GOSR1: variants seen among roughly 807,000 people sequenced by gnomAD.
GOSR1 encodes the protein golgi SNAP receptor complex member 1, also known as 28 kDa Golgi SNARE protein.
GOSR1 carries 21 observed loss-of-function variants against 35.5 expected under a neutral mutation model. The observed-to-expected ratio is 0.59, with a 90% confidence interval of 0.42 to 0.85. The LOEUF (loss-of-function observed/expected upper bound fraction) is 0.85, where lower values mean the gene tolerates loss of function less well. Ranked by LOEUF, GOSR1 falls within the 40% of genes least tolerant of loss-of-function variation. GOSR1 has a pLI of 0.00. For synonymous variants in GOSR1, 94 were observed against 106.6 expected, an observed-to-expected ratio of 0.88 and a Z score of 0.73; for missense variants, 285 against 309.6, an observed-to-expected ratio of 0.92 and a Z score of 0.60.
At chr17:30,508,980 CT>C (rs960081547) in intron 6 of GOSR1, among the ~76,000 whole-genome samples, 51 of 147,160 alleles carry the variant, frequency 3.5e-4, no homozygotes, top group East Asian at 1.2e-3. Flanking sequence ...GTATTTATGA[CT>C]TTTTTTTTTT....
At chr17:30,504,971 C>T (rs958522784) in intron 6 of GOSR1, among the ~76,000 whole-genome samples, 41 of 152,266 alleles carry the variant, frequency 2.7e-4, no homozygotes, top group African/African-American at 9.6e-4. Context: ...GGCTTTCTGA[C>T]GATTTGTGTG....
chr17:30,508,860 C>T (rs1967506213), intron 6 of GOSR1, among the ~76,000 whole-genome samples: 2 of 152,174 alleles, frequency 1.3e-5, no homozygotes, highest in African/African-American at 4.8e-5. Context: ...GAAACTTGCC[C>T]TGTGTCAAAT....
intron 6 of GOSR1, among the ~76,000 whole-genome samples, chr17:30,504,112 C>T (rs1449181659): frequency 1.3e-5 from 2 of 151,580 alleles, no homozygotes; most frequent in East Asian, 1.9e-4. Flanking sequence ...CTGCAACTTC[C>T]GCCTCCCGGG....
chr17:30,491,539 A>G (rs1303737099), intron 5 of GOSR1, among the ~76,000 whole-genome samples: 1 of 152,122 alleles, frequency 6.6e-6, no homozygotes, highest in African/African-American at 2.4e-5. Flanking sequence ...GGCATCTGTA[A>G]TCCCAGCCAC....
chr17:30,503,554 C>G (rs138406399), intron 6 of GOSR1, among the ~76,000 whole-genome samples: 2 of 152,348 alleles, frequency 1.3e-5, no homozygotes, highest in African/African-American at 4.8e-5. Context: ...ATGATGCCAT[C>G]TGCATGGAGT....
chr17:30,521,519 G>C (rs1409429071), intron 8 of GOSR1, among the ~76,000 whole-genome samples: 1 of 150,646 alleles, frequency 6.6e-6, no homozygotes, highest in Non-Finnish European at 1.5e-5. Context: ...TAGTATACTG[G>C]AACCTAGCAT....
chr17:30,514,608 G>T (rs529956735), intron 7 of GOSR1, among the ~76,000 whole-genome samples: 1 of 152,304 alleles, frequency 6.6e-6, no homozygotes, highest in South Asian at 2.1e-4. Flanking sequence ...CCAGTCCAAT[G>T]CTCTGGGCAT....
intron 4 of GOSR1, 139 bp downstream of exon 4, chr17:30,484,909 G>A (rs1014375963): frequency 1.5e-5 from 10 of 685,040 alleles, no homozygotes; most frequent in South Asian, 1.3e-4. Flanking sequence ...ATGCTAAAGG[G>A]ACTTGTTTTA....
At chr17:30,498,746 T>A (rs1967091725) in intron 6 of GOSR1, among the ~76,000 whole-genome samples, 1 of 152,162 alleles carries the variant, frequency 6.6e-6, no homozygotes, top group Non-Finnish European at 1.5e-5. Flanking sequence ...GGTCTCACTC[T>A]GGCACCTGAA....
rs1343144402 is a variant in GOSR1, at chr17:30,492,751, A to G, written c.507A>G (p.Arg169=). The part of the protein sequence containing the change: ...ELFLKEHDHL[R]NSDRLIEETI... ...TTTTGAAAGAACATGACCACCTTCG[A>G]AAGTAGGTATTGAATGTATGTGCAT... The change falls in exon 6 of 9, where the codon CGA becomes CGG. Residue 169 remains arginine, a splice_region_variant and synonymous_variant. Transcript: ENST00000451249. 4.5e-6 allele frequency: 7 copies of G among 1,561,268 alleles called. No homozygotes were observed. The East Asian group carries it at 1.6e-4, about 35-fold the overall frequency.
At chr17:30,486,019 TAAAAAAAAA>T (rs753646179) in intron 4 of GOSR1, among the ~76,000 whole-genome samples, 1 of 76,184 alleles carries the variant, frequency 1.3e-5, no homozygotes, top group African/African-American at 4.8e-5. Flanking sequence ...AGACTCCATC[TAAAAAAAAA>T]AAAAAAAAAA....
rs1450492880 is a variant in GOSR1, at chr17:30,526,798, A to G, written c.*4420A>G. The G allele has an allele frequency of 3.9e-5, 6 of 152,636 alleles. No individual in the cohort carries two copies. In the East Asian group the frequency reaches 7.7e-4, roughly 20 times the overall value. The allele number at this position is 152,636 out of a possible 1,614,324, so 9.5% of individuals were successfully genotyped here. ...GCTTTGGTATGTAATTTAATAATAAATTAGAAATCTAAATGATTGCATTTG... is the reference window on the plus strand; with the variant it reads ...GCTTTGGTATGTAATTTAATAATAAGTTAGAAATCTAAATGATTGCATTTG... On this transcript the variant is annotated 3_prime_UTR_variant, in exon 9 of 9. Transcript: ENST00000451249.
chr17:30,505,795 C>T (rs1366172104), intron 6 of GOSR1, among the ~76,000 whole-genome samples: 2 of 152,100 alleles, frequency 1.3e-5, no homozygotes. Context: ...GTGGCATGAT[C>T]CCAGCCCACT....
intron 1 of GOSR1, chr17:30,478,593 C>G (rs1421848940): frequency 1.4e-5 from 2 of 145,862 alleles, no homozygotes; most frequent in South Asian, 4.3e-4. Flanking sequence ...CGCTATGTCG[C>G]CCAGGCTGGA....
chr17:30,477,939 T>C, intron 1 of GOSR1: 5 of 970,276 alleles, frequency 5.2e-6, no homozygotes, highest in Non-Finnish European at 6.0e-6. Context: ...TCGGAGGAAG[T>C]ATGAAGAGAA....
Position 30,525,622 on chromosome 17 carries a change from A to G in GOSR1, c.*3244A>G, listed in dbSNP as rs1444699201. ...TGAAGTATCATAAATAAAGTTATTT[A>G]TTTAATTATACTACCAGTCTTTTTT... On this transcript the variant is annotated 3_prime_UTR_variant, in exon 9 of 9. Coordinates refer to ENST00000451249, the MANE Select transcript of GOSR1 (RefSeq NM_001007025.2). 6.6e-6 allele frequency: 1 copy of G among 152,180 alleles called. No individual in the cohort carries two copies. Among genetic ancestry groups the G allele is most frequent in the Non-Finnish European group, 1.5e-5 (1 of 68,018 alleles). The allele number at this position is 152,180 out of a possible 1,614,324, so 9.4% of individuals were successfully genotyped here.
At chr17:30,508,529 G>A (rs1177707650) in intron 6 of GOSR1, among the ~76,000 whole-genome samples, 2 of 152,160 alleles carry the variant, frequency 1.3e-5, no homozygotes, top group African/African-American at 4.8e-5. Flanking sequence ...TCCATTGTAA[G>A]ATCTTGGCAG....
chr17:30,510,970 AAC>A, intron 7 of GOSR1, 61 bp downstream of exon 7: 1 of 964,732 alleles, frequency 1.0e-6, no homozygotes, highest in East Asian at 2.4e-5. Context: ...AAATTTAATG[AAC>A]AGTGTTACAG....
chr17:30,494,192 A>AAC (rs143873080), intron 6 of GOSR1, among the ~76,000 whole-genome samples: 33,110 of 150,454 alleles, frequency 0.22, 4,421 homozygotes, highest in Non-Finnish European at 0.3. Flanking sequence ...GCCATACTTA[A>AAC]ACACACACAC....
Sources: allele counts gnomAD v4.1 joint callset (sites outside exome capture counted in the v4.1 genomes callset), GRCh38; gene constraint gnomAD v4.1.1; transcripts MANE v1.5; gene names NCBI Gene and HGNC (gene_info 2026-07-23, HGNC 2026-07-21).